The following FOCAD variants were observed in gnomAD, a reference collection of about 807,000 sequenced individuals.
FOCAD encodes focadhesin.
A neutral mutation model predicts 225.6 loss-of-function variants in FOCAD; 198 were observed. That is an observed-to-expected ratio of 0.88 (90% CI 0.78 to 0.99). The LOEUF (loss-of-function observed/expected upper bound fraction) is 0.99. FOCAD is among the 50% of genes least tolerant of loss of function. The pLI is 0.00. For missense variants in FOCAD, 2,713 were observed against 2,123.6 expected (o/e 1.28, Z -5.46); for synonymous variants, 897 against 755.0 (o/e 1.19, Z -3.08).
At chr9:20,729,551 G>T (rs553124777) in intron 4 of FOCAD, among the ~76,000 whole-genome samples, 1 of 152,084 alleles carries the variant, frequency 6.6e-6, no homozygotes, top group Non-Finnish European at 1.5e-5. Flanking sequence ...TGTATCTTTT[G>T]GGGGGACACA....
intron 4 of FOCAD, among the ~76,000 whole-genome samples, chr9:20,721,440 G>A (rs968956667): frequency 4.6e-5 from 7 of 152,056 alleles, no homozygotes; most frequent in African/African-American, 7.2e-5. Flanking sequence ...AGTGGGTCAC[G>A]CCTGTAATCC....
chr9:20,882,092 T>C (rs377563385), intron 20 of FOCAD, 36 bp downstream of exon 20: 85 of 1,565,666 alleles, frequency 5.4e-5, no homozygotes, highest in Non-Finnish European at 6.3e-5. Flanking sequence ...ATACAGGTTT[T>C]TCATGTAATG....
At chr9:20,930,435 T>C (rs1835359596) in intron 27 of FOCAD, among the ~76,000 whole-genome samples, 1 of 152,242 alleles carries the variant, frequency 6.6e-6, no homozygotes, top group African/African-American at 2.4e-5. Context: ...TTTCCTACTT[T>C]GGAAATATGA....
rs759786127 is a variant in FOCAD at position 20,778,669 on chromosome 9, C to G, written c.907-12C>G. On this transcript the variant is annotated splice_polypyrimidine_tract_variant and intron_variant, in intron 8 of 43. Coordinates refer to ENST00000338382, the MANE Select transcript of FOCAD (RefSeq NM_001375567.1). Reference sequence around the variant, plus strand: ...TCTTTAACAACTCCTTTTTCCCCCTCTATTCTTTTAGGATTTTCCTGTTGA... The same window carrying G: ...TCTTTAACAACTCCTTTTTCCCCCTGTATTCTTTTAGGATTTTCCTGTTGA... 16 of 1,533,528 alleles carry G rather than the reference C, an allele frequency of 1.0e-5. No homozygotes were observed. Among genetic ancestry groups the G allele is most frequent in the Admixed American group, 3.4e-5 (2 of 59,600 alleles). The allele number at this position is 1,533,528 out of a possible 1,614,324, so 95.0% of individuals were successfully genotyped here.
Position 20,978,404 on chromosome 9 carries a change from G to C in FOCAD, c.4327G>C (p.Ala1443Pro), listed in dbSNP as rs766913708. The C allele has an allele frequency of 1.2e-6, 2 of 1,612,222 alleles. No homozygotes were observed. The highest frequency in any genetic ancestry group is 1.7e-6 in the Non-Finnish European group (2 of 1,179,056). The change falls in exon 37 of 44, where the codon GCT becomes CCT. Residue 1443 changes from alanine (A) to proline (P), a missense_variant. Transcript: ENST00000338382. The stretch of plus-strand genomic sequence containing the variant: ...CCAGGCACAGTCATCCCAGAATGCA[G>C]CTGCACTATTGGGCTTGTGGGTGAC... ...VTQAQSSQNA[A>P]ALLGLWVTPP...
Position 20,986,327 on chromosome 9 carries a change from G to A in FOCAD, c.4768G>A (p.Val1590Ile), listed in dbSNP as rs1841164603. 6.9e-7 allele frequency: 1 copy of A among 1,448,698 alleles called. No homozygotes were observed. The highest frequency in any genetic ancestry group is 3.5e-5 in the East Asian group (1 of 28,170). The allele number at this position is 1,448,698 out of a possible 1,614,324, so 89.7% of individuals were successfully genotyped here. ...AGCTGCCTTTGTCAAACTGTACTTA[G>A]TCTCTCAAGGACGATTCCCCTTGGT... The part of the protein sequence containing the change: ...EKAAFVKLYL[V>I]SQGRFPLVNL... The change falls in exon 40 of 44, where the codon GTC (valine) becomes ATC (isoleucine). Residue 1590 changes from valine to isoleucine, a missense_variant. Coordinates refer to ENST00000338382, the MANE Select transcript of FOCAD (RefSeq NM_001375567.1).
At chr9:20,709,264 G>A (rs965448809) in intron 1 of FOCAD, among the ~76,000 whole-genome samples, 5 of 151,976 alleles carry the variant, frequency 3.3e-5, no homozygotes, top group Non-Finnish European at 7.4e-5. Flanking sequence ...TTTAGGTTTA[G>A]ACAGACAAAA....
intron 41 of FOCAD, 92 bp downstream of exon 41, chr9:20,988,521 G>T: frequency 8.5e-6 from 2 of 234,674 alleles, no homozygotes; most frequent in Non-Finnish European, 1.8e-5. Flanking sequence ...CCATTAATTG[G>T]CAAAAACTGC....
intron 15 of FOCAD, among the ~76,000 whole-genome samples, chr9:20,840,906 G>GT (rs915144268): frequency 2.6e-5 from 4 of 151,754 alleles, no homozygotes; most frequent in Admixed American, 6.6e-5. Context: ...TCTATACCCA[G>GT]TTTTTTTAGA....
intron 4 of FOCAD, among the ~76,000 whole-genome samples, chr9:20,739,253 G>A (rs1344725118): frequency 6.6e-6 from 1 of 152,212 alleles, no homozygotes; most frequent in Non-Finnish European, 1.5e-5. Flanking sequence ...CAAGAACTTA[G>A]AAAAGTGCTT....
intron 19 of FOCAD, among the ~76,000 whole-genome samples, chr9:20,879,448 G>C (rs1830491694): frequency 6.6e-6 from 1 of 152,012 alleles, no homozygotes; most frequent in African/African-American, 2.4e-5. Flanking sequence ...GTGTCTTTTG[G>C]GATTATTATT....
intron 15 of FOCAD, among the ~76,000 whole-genome samples, chr9:20,859,000 A>C (rs773953473): frequency 6.6e-6 from 1 of 152,146 alleles, no homozygotes; most frequent in Non-Finnish European, 1.5e-5. Flanking sequence ...TTTGTGGTCT[A>C]TCATATAGTC....
chr9:20,739,894 A>T (rs1827469432), intron 4 of FOCAD, among the ~76,000 whole-genome samples: 1 of 152,122 alleles, frequency 6.6e-6, no homozygotes, highest in African/African-American at 2.4e-5. Flanking sequence ...GTCTGCTAAT[A>T]TTTATAAATG....
At chr9:20,896,216 G>A (rs1214494016) in intron 21 of FOCAD, among the ~76,000 whole-genome samples, 1 of 151,824 alleles carries the variant, frequency 6.6e-6, no homozygotes, top group Non-Finnish European at 1.5e-5. Flanking sequence ...AATCCATGTG[G>A]TTGTGGTGTA....
At chr9:20,988,239 G>C (rs1185611607) in intron 40 of FOCAD, 93 bp from the exon 41 acceptor site, 1 of 681,278 alleles carries the variant, frequency 1.5e-6, no homozygotes, top group Non-Finnish European at 2.5e-6. Flanking sequence ...TCCTCACCAG[G>C]TGTTCTGCTT....
chr9:20,858,955 A>T (rs549408428), intron 15 of FOCAD, among the ~76,000 whole-genome samples: 8 of 152,052 alleles, frequency 5.3e-5, no homozygotes, highest in African/African-American at 1.9e-4. Flanking sequence ...GATACTTGAT[A>T]TGATTTCCAT....
rs547548058 is a variant in FOCAD, at chr9:20,760,524, C to G, written c.494+2333C>G. ...AGGAAGCAGTGCTGTTTCCTTCTCT[C>G]CATGTTTTTACTTACTGGTATCTAC... On this transcript the variant is annotated intron_variant, in intron 6 of 43. Transcript: ENST00000338382. Among the ~76,000 whole-genome samples the G allele has an allele frequency of 6.6e-5, 10 of 152,306 alleles. No homozygotes were observed. The South Asian group carries it at 2.1e-3, about 32-fold the overall frequency.
chr9:20,797,390 C>G (rs1020721558), intron 11 of FOCAD, among the ~76,000 whole-genome samples: 4 of 152,186 alleles, frequency 2.6e-5, no homozygotes, highest in Admixed American at 2.0e-4. Flanking sequence ...GGCATTCAAT[C>G]TATAAATTAC....
At chr9:20,936,138 C>T (rs1385877176) in intron 28 of FOCAD, among the ~76,000 whole-genome samples, 1 of 152,140 alleles carries the variant, frequency 6.6e-6, no homozygotes, top group Admixed American at 6.5e-5. Flanking sequence ...CGTTTTGGAA[C>T]GTCAGGCATG....
Sources: gnomAD v4.1 joint callset for allele counts (sites outside exome capture counted in the v4.1 genomes callset) on GRCh38, gnomAD v4.1.1 for gene constraint, MANE v1.5 for transcripts, NCBI Gene and HGNC (gene_info 2026-07-23, HGNC 2026-07-21) for gene names.